The following INPP4B variants were observed in gnomAD, a reference collection of about 807,000 sequenced individuals.
The protein encoded by INPP4B is inositol polyphosphate 4-phosphatase type II.
Under a neutral mutation model 122.5 loss-of-function variants are expected in INPP4B, and 55 were observed. The ratio of observed to expected loss-of-function variants is 0.45; its 90% CI spans 0.36 to 0.56. The LOEUF (loss-of-function observed/expected upper bound fraction) is 0.56, where lower values mean the gene tolerates loss of function less well. INPP4B is among the 20% of genes least tolerant of loss of function. The probability of loss-of-function intolerance (pLI) is 0.00; values close to 1 mark genes in which losing one functional copy is unlikely to be tolerated. For missense variants in INPP4B, 1,000 were observed against 1,097.7 expected (o/e 0.91, Z 1.26); for synonymous variants, 403 against 388.7 (o/e 1.04, Z -0.43).
intron 7 of INPP4B, among the ~76,000 whole-genome samples, chr4:142,382,591 TATAA>T (rs1794538548): frequency 7.1e-6 from 1 of 140,302 alleles, no homozygotes; most frequent in African/African-American, 2.8e-5. Context: ...ATATATATAC[TATAA>T]ATATATATAT....
At chr4:142,699,093 G>A (rs1033785974) in intron 2 of INPP4B, among the ~76,000 whole-genome samples, 1 of 152,198 alleles carries the variant, frequency 6.6e-6, no homozygotes, top group Non-Finnish European at 1.5e-5. Flanking sequence ...TGGGGTGGAA[G>A]TGGGAAGTGG....
intron 1 of INPP4B, among the ~76,000 whole-genome samples, chr4:142,782,859 C>T (rs1229075351): frequency 2.6e-5 from 4 of 152,042 alleles, no homozygotes; most frequent in Non-Finnish European, 4.4e-5. Flanking sequence ...GAAATAACGC[C>T]GCATATCTAC....
intron 2 of INPP4B, among the ~76,000 whole-genome samples, chr4:142,695,487 T>G (rs1460960216): frequency 6.6e-6 from 1 of 152,226 alleles, no homozygotes; most frequent in Non-Finnish European, 1.5e-5. Flanking sequence ...TAGTTCTTAC[T>G]GTGCTTTTCA....
At chr4:142,268,566 C>A (rs1744161165) in intron 10 of INPP4B, among the ~76,000 whole-genome samples, 1 of 151,842 alleles carries the variant, frequency 6.6e-6, no homozygotes, top group African/African-American at 2.4e-5. Context: ...ATGTTCACTG[C>A]AACATTACTC....
intron 2 of INPP4B, among the ~76,000 whole-genome samples, chr4:142,553,915 G>C (rs956986209): frequency 4.6e-5 from 7 of 152,150 alleles, no homozygotes; most frequent in African/African-American, 1.7e-4. Context: ...GGTTGGCTGG[G>C]AGCGGTGGCT....
At chr4:142,218,886 G>A (rs1848345760) in intron 12 of INPP4B, among the ~76,000 whole-genome samples, 2 of 152,166 alleles carry the variant, frequency 1.3e-5, no homozygotes, top group South Asian at 4.1e-4. Flanking sequence ...TGACTGGTAG[G>A]TGGCTTCAAT....
chr4:142,390,571 A>C (rs1797343252), intron 7 of INPP4B, among the ~76,000 whole-genome samples: 1 of 152,110 alleles, frequency 6.6e-6, no homozygotes, highest in Non-Finnish European at 1.5e-5. Flanking sequence ...AAACATTCAA[A>C]AGAGAGGTAA....
intron 2 of INPP4B, among the ~76,000 whole-genome samples, chr4:142,713,372 G>A (rs576767179): frequency 2.0e-5 from 3 of 152,292 alleles, no homozygotes; most frequent in Middle Eastern, 3.4e-3. Flanking sequence ...GAATCATAGA[G>A]GAGGCTAGTA....
chr4:142,054,405 T>G (rs905249331), intron 25 of INPP4B, among the ~76,000 whole-genome samples: 4 of 152,020 alleles, frequency 2.6e-5, no homozygotes, highest in African/African-American at 9.7e-5. Context: ...ACCTGGGAAT[T>G]AAACTTAAAT....
intron 2 of INPP4B, among the ~76,000 whole-genome samples, chr4:142,532,867 A>C (rs1022544686): frequency 6.6e-6 from 1 of 152,188 alleles, no homozygotes; most frequent in Admixed American, 6.6e-5. Flanking sequence ...TTCAAAGTTC[A>C]TTCATCTGCT....
intron 1 of INPP4B, among the ~76,000 whole-genome samples, chr4:142,807,487 C>T (rs1486015904): frequency 3.3e-5 from 5 of 152,120 alleles, no homozygotes; most frequent in East Asian, 1.9e-4. Context: ...AGGGCCTGGA[C>T]AGTTTATGCT....
chr4:142,673,019 T>C (rs1290436807), intron 2 of INPP4B, among the ~76,000 whole-genome samples: 1 of 152,186 alleles, frequency 6.6e-6, no homozygotes, highest in Non-Finnish European at 1.5e-5. Context: ...CTTTGCACCC[T>C]TGCCAACATC....
At chr4:142,072,634 A>T (rs1768192788) in intron 25 of INPP4B, among the ~76,000 whole-genome samples, 1 of 151,830 alleles carries the variant, frequency 6.6e-6, no homozygotes, top group Non-Finnish European at 1.5e-5. Flanking sequence ...AGCTGCCATG[A>T]CAAAGAACCA....
At chr4:142,463,931 A>G (rs1452885259) in intron 2 of INPP4B, among the ~76,000 whole-genome samples, 1 of 152,144 alleles carries the variant, frequency 6.6e-6, no homozygotes, top group Non-Finnish European at 1.5e-5. Context: ...CTTTATTAGC[A>G]GTATGATAAC....
chr4:142,842,551 TATATATA>T (rs967438956), intron 1 of INPP4B, among the ~76,000 whole-genome samples: 4 of 142,062 alleles, frequency 2.8e-5, no homozygotes, highest in East Asian at 2.0e-4. Flanking sequence ...CAATATCTAT[TATATATA>T]ATATATAATA....
At chr4:142,407,196 A>G (rs1372615327) in intron 5 of INPP4B, among the ~76,000 whole-genome samples, 1 of 152,182 alleles carries the variant, frequency 6.6e-6, no homozygotes, top group Non-Finnish European at 1.5e-5. Flanking sequence ...ATAAAATTCA[A>G]CTGTTGGTTT....
At chr4:142,101,509 AT>A (rs1784460022) in intron 23 of INPP4B, among the ~76,000 whole-genome samples, 1 of 152,152 alleles carries the variant, frequency 6.6e-6, no homozygotes, top group Non-Finnish European at 1.5e-5. Flanking sequence ...TCTCAGTGAT[AT>A]TATCCTTTTC....
At chr4:142,518,134 G>A (rs779039605) in intron 2 of INPP4B, among the ~76,000 whole-genome samples, 3 of 152,112 alleles carry the variant, frequency 2.0e-5, no homozygotes, top group Non-Finnish European at 2.9e-5. Context: ...ATCTATTTCA[G>A]CAATTAGCAT....
chr4:142,131,735 C>T (rs1801366356), intron 18 of INPP4B, among the ~76,000 whole-genome samples: 1 of 152,214 alleles, frequency 6.6e-6, no homozygotes, highest in Non-Finnish European at 1.5e-5. Context: ...GCAGGCGGAT[C>T]ACCTGAGGGT....
Sources: allele counts gnomAD v4.1 joint callset (sites outside exome capture counted in the v4.1 genomes callset), GRCh38; gene constraint gnomAD v4.1.1; transcripts MANE v1.5; gene names NCBI Gene and HGNC (gene_info 2026-07-23, HGNC 2026-07-21).